The following DESI2 variants were observed in gnomAD, a reference collection of about 807,000 sequenced individuals.
DESI2 encodes desumoylating isopeptidase 2.
Under a neutral mutation model 24.1 loss-of-function variants are expected in DESI2, and 10 were observed. That is an observed-to-expected ratio of 0.41 (90% confidence interval 0.26 to 0.70). The LOEUF (loss-of-function observed/expected upper bound fraction) is 0.70, where lower values mean the gene tolerates loss of function less well. Among genes scored for constraint, DESI2 ranks in the 30% least tolerant of loss-of-function variants. DESI2 has a pLI of 0.29. For missense variants in DESI2, 122 were observed against 234.9 expected (o/e 0.52, Z 3.14); for synonymous variants, 71 against 87.7 (o/e 0.81, Z 1.06).
intron 4 of DESI2, among the ~76,000 whole-genome samples, chr1:244,698,845 C>G (rs1310211827): frequency 6.6e-6 from 1 of 152,176 alleles, no homozygotes; most frequent in South Asian, 2.1e-4. Flanking sequence ...CATACGAAGT[C>G]GAACTGCTGA....
At chr1:244,684,892 T>G (rs1243532421) in intron 1 of DESI2, among the ~76,000 whole-genome samples, 3 of 152,202 alleles carry the variant, frequency 2.0e-5, no homozygotes, top group Non-Finnish European at 4.4e-5. Context: ...TAGATTTGGG[T>G]AAATGTTTTG....
intron 4 of DESI2, among the ~76,000 whole-genome samples, chr1:244,703,759 C>T (rs1376074039): frequency 6.6e-6 from 1 of 151,496 alleles, no homozygotes; most frequent in Non-Finnish European, 1.5e-5. Flanking sequence ...CCCAGATTCA[C>T]GCCATTCTCC....
intron 4 of DESI2, among the ~76,000 whole-genome samples, chr1:244,700,867 G>A (rs924814442): frequency 6.6e-6 from 1 of 152,146 alleles, no homozygotes; most frequent in East Asian, 1.9e-4. Flanking sequence ...AGTATAGAAG[G>A]TTAAGGTTTT....
In DESI2 at chr1:244,694,497, T is replaced by G. The variant is rs1677141632; in HGVS notation, c.351+2477T>G. The G allele has an allele frequency of 7.8e-6, 6 of 772,118 alleles. No individual in the cohort carries two copies. The South Asian group carries it at 8.0e-5, about 10-fold the overall frequency. 47.8% of individuals were successfully genotyped at this position (772,118 alleles called of 1,614,324 possible). A position where few individuals can be genotyped will look rare whatever the true frequency, so the allele number is the denominator to read the frequency against. ...AGGTGGTGTTCCTTCACGGAATCTG[T>G]GCCTGAATCTGCGGTCTACAATTTT... On this transcript the variant is annotated intron_variant, in intron 4 of 4. Transcript: ENST00000302550.
chr1:244,682,866 A>C (rs1259534550), intron 1 of DESI2, among the ~76,000 whole-genome samples: 2 of 152,210 alleles, frequency 1.3e-5, no homozygotes, highest in Non-Finnish European at 2.9e-5. Flanking sequence ...AAAAAAAAAA[A>C]AAAACTCAGT....
chr1:244,669,570 T>G (rs1676173383), intron 1 of DESI2, among the ~76,000 whole-genome samples: 1 of 151,852 alleles, frequency 6.6e-6, no homozygotes, highest in African/African-American at 2.4e-5. Flanking sequence ...CCTAGCTATT[T>G]GGGAGGCTGA....
chr1:244,687,064 C>T (rs1310503889), intron 2 of DESI2, among the ~76,000 whole-genome samples: 1 of 152,054 alleles, frequency 6.6e-6, no homozygotes, highest in Non-Finnish European at 1.5e-5. Context: ...AAGGTTGGTG[C>T]TAGAAAGTGT....
rs760496720 is a variant in DESI2, at chr1:244,705,738, C to T, written c.534C>T (p.Ser178=). ...EEAEDAAASA[S]VASTAAGSRP... ...CAGAGGATGCTGCCGCATCCGCTTC[C>T]GTGGCAAGCACTGCAGCAGGCTCCA... The change falls in exon 5 of 5, where the codon TCC becomes TCT. Residue 178 remains serine, a synonymous_variant. Coordinates refer to ENST00000302550, the MANE Select transcript of DESI2 (RefSeq NM_016076.5). 8.7e-6 allele frequency: 14 copies of T among 1,613,530 alleles called. No homozygotes were observed. The East Asian group carries it at 1.3e-4, about 15-fold the overall frequency.
At chr1:244,704,044 T>A (rs1346939645) in intron 4 of DESI2, among the ~76,000 whole-genome samples, 1 of 152,194 alleles carries the variant, frequency 6.6e-6, no homozygotes, top group Non-Finnish European at 1.5e-5. Context: ...ACATGCTACC[T>A]TCCCTCAAGT....
chr1:244,655,809 A>G (rs1675627714), intron 1 of DESI2, among the ~76,000 whole-genome samples: 1 of 152,252 alleles, frequency 6.6e-6, no homozygotes, highest in African/African-American at 2.4e-5. Context: ...CTGGTCCAGT[A>G]TAACTAGAGT....
At chr1:244,682,847 G>T (rs1165180919) in intron 1 of DESI2, among the ~76,000 whole-genome samples, 1 of 131,532 alleles carries the variant, frequency 7.6e-6, no homozygotes, top group Admixed American at 7.6e-5. Flanking sequence ...TGTATATAGT[G>T]TGTTGTCAAA....
chr1:244,668,892 T>C (rs934090607), intron 1 of DESI2, among the ~76,000 whole-genome samples: 1 of 152,216 alleles, frequency 6.6e-6, no homozygotes, highest in Non-Finnish European at 1.5e-5. Context: ...ACTGTACTTA[T>C]TTTTGTAGTT....
In DESI2 at chr1:244,705,828, G is replaced by A. The variant is rs1237296073; in HGVS notation, c.*39G>A. On this transcript the variant is annotated 3_prime_UTR_variant, in exon 5 of 5. Coordinates refer to ENST00000302550, the MANE Select transcript of DESI2 (RefSeq NM_016076.5). The stretch of plus-strand genomic sequence containing the variant: ...CACACATTCAGAACTGTCTCTGGCA[G>A]TCGAATATCACTAGAGAAAAGTAAA... 4 of 1,430,458 alleles carry A rather than the reference G, an allele frequency of 2.8e-6. No individual in the cohort carries two copies. In the African/African-American group the frequency reaches 5.6e-5, roughly 20 times the overall value. The allele number at this position is 1,430,458 out of a possible 1,614,324, so 88.6% of individuals were successfully genotyped here. A position where few individuals can be genotyped will look rare whatever the true frequency, so the allele number is the denominator to read the frequency against.
chr1:244,670,359 C>A (rs1228735004), intron 1 of DESI2, among the ~76,000 whole-genome samples: 1 of 152,176 alleles, frequency 6.6e-6, no homozygotes, highest in Non-Finnish European at 1.5e-5. Flanking sequence ...AATTTGACAT[C>A]AACTCCCAAA....
intron 2 of DESI2, 38 bp downstream of exon 2, chr1:244,686,707 T>G: frequency 7.2e-7 from 1 of 1,379,328 alleles, no homozygotes; most frequent in Middle Eastern, 1.8e-4. Flanking sequence ...TCTCTGAAGA[T>G]TTTGTACTTT....
Position 244,707,202 on chromosome 1 carries a change from T to G in DESI2, c.*1413T>G, listed in dbSNP as rs1677740885. ...AAATTATTGACATTTATTTAAACTT[T>G]TAGATTGGATTGTTTGCTATTGCTC... On this transcript the variant is annotated 3_prime_UTR_variant, in exon 5 of 5. Transcript: ENST00000302550. 6.6e-6 allele frequency: 1 copy of G among 152,620 alleles called. No homozygotes were observed. The allele number at this position is 152,620 out of a possible 1,614,324, so 9.5% of individuals were successfully genotyped here.
chr1:244,690,196 T>C (rs1676972862), intron 3 of DESI2, among the ~76,000 whole-genome samples: 1 of 152,084 alleles, frequency 6.6e-6, no homozygotes, highest in South Asian at 2.1e-4. Flanking sequence ...ATTAGGTATT[T>C]CTCCTAATGC....
chr1:244,686,120 G>C (rs1232839515), intron 1 of DESI2, among the ~76,000 whole-genome samples: 3 of 152,130 alleles, frequency 2.0e-5, no homozygotes, highest in Non-Finnish European at 2.9e-5. Context: ...ACTTTGAGCT[G>C]AATCAGGACA....
intron 4 of DESI2, among the ~76,000 whole-genome samples, chr1:244,700,999 A>G (rs1261175600): frequency 6.6e-6 from 1 of 152,144 alleles, no homozygotes; most frequent in Non-Finnish European, 1.5e-5. Context: ...TTCCAAGCAA[A>G]GTGTAGAAGG....
Sources: allele counts gnomAD v4.1 joint callset (sites outside exome capture counted in the v4.1 genomes callset), GRCh38; gene constraint gnomAD v4.1.1; transcripts MANE v1.5; gene names NCBI Gene and HGNC (gene_info 2026-07-23, HGNC 2026-07-21).